Variants in ACSM2B observed in about 807,000 individuals in gnomAD.
The protein encoded by ACSM2B is acyl-coenzyme A synthetase ACSM2B, mitochondrial.
In ACSM2B, 58 loss-of-function variants were observed where a neutral mutation model predicts 78.6. The ratio of observed to expected loss-of-function variants is 0.74; its 90% CI spans 0.60 to 0.92. The LOEUF (loss-of-function observed/expected upper bound fraction) is 0.92. ACSM2B is among the 40% of genes least tolerant of loss of function. The probability of loss-of-function intolerance (pLI) is 0.00; values close to 1 mark genes in which losing one functional copy is unlikely to be tolerated. For synonymous variants in ACSM2B, 257 were observed against 256.8 expected, an observed-to-expected ratio of 1.00 and a Z score of -0.01; for missense variants, 688 against 711.2, an observed-to-expected ratio of 0.97 and a Z score of 0.37.
chr16:20,545,750 T>G (rs1300441380), intron 9 of ACSM2B, among the ~76,000 whole-genome samples: 1 of 152,176 alleles, frequency 6.6e-6, no homozygotes, highest in Non-Finnish European at 1.5e-5. Context: ...GTTATCATAG[T>G]GAATGGCATG....
chr16:20,565,492 T>C (rs149058458), intron 1 of ACSM2B, among the ~76,000 whole-genome samples: 58 of 152,114 alleles, frequency 3.8e-4, no homozygotes, highest in African/African-American at 1.3e-3. Flanking sequence ...AGGGGGAAAA[T>C]ATGCATGACT....
chr16:20,546,234 ACTCT>A (rs1375496947), intron 9 of ACSM2B, among the ~76,000 whole-genome samples, 156 bp downstream of exon 9: 1 of 149,726 alleles, frequency 6.7e-6, no homozygotes, highest in African/African-American at 2.5e-5. Context: ...TCCTTCCCTC[ACTCT>A]CTCCTTCCCC....
At chr16:20,547,926 C>G (rs987354528) in intron 8 of ACSM2B, 136 bp downstream of exon 8, 58 of 1,524,628 alleles carry the variant, frequency 3.8e-5, no homozygotes, top group Non-Finnish European at 5.1e-5. Context: ...TACTCAGTAC[C>G]TGTCCCTTCA....
intron 13 of ACSM2B, among the ~76,000 whole-genome samples, 158 bp downstream of exon 13, chr16:20,540,496 G>A (rs562644393): frequency 3.3e-5 from 5 of 152,292 alleles, no homozygotes; most frequent in African/African-American, 1.2e-4. Context: ...ACCCGCCTTG[G>A]CCTTCCAAAG....
At chr16:20,564,977 T>C (rs1042774204) in intron 1 of ACSM2B, 124 bp from the exon 2 acceptor site, 31 of 1,353,192 alleles carry the variant, frequency 2.3e-5, no homozygotes, top group Non-Finnish European at 3.0e-5. Context: ...TTTGCTGTAG[T>C]TATGAGTAAA....
intron 1 of ACSM2B, among the ~76,000 whole-genome samples, chr16:20,569,631 G>C (rs2016040202): frequency 6.6e-6 from 1 of 151,574 alleles, no homozygotes; most frequent in Admixed American, 6.6e-5. Flanking sequence ...TATTTTGATG[G>C]GAATTGCACT....
chr16:20,564,936 C>T (rs1391097442), intron 1 of ACSM2B, 83 bp from the exon 2 acceptor site: 1 of 1,508,994 alleles, frequency 6.6e-7, no homozygotes, highest in East Asian at 2.3e-5. Context: ...GAGATTCATC[C>T]CAACCTTATA....
Position 20,537,306 on chromosome 16 carries a change from T to C in ACSM2B, c.1686A>G (p.Lys562=), listed in dbSNP as rs771643033. The C allele has an allele frequency of 8.1e-6, 13 of 1,613,936 alleles. No individual in the cohort carries two copies. The highest frequency in any genetic ancestry group is 4.4e-5 in the South Asian group (4 of 91,070). ...ACATCTTCCACTCCTTGTCTCGAAG[T>C]TTGGTTCGTTGAATTTTCCCTGTGA... is the stretch of plus-strand genomic sequence containing the variant. ...KTVTGKIQRT[K]LRDKEWKMSG... is the part of the protein sequence containing the mutation. Residue 562 remains lysine (K), a synonymous_variant, in exon 14 of 14, where the codon AAA becomes AAG. Transcript: ENST00000329697.
chr16:20,576,075 C>T (rs1858237653), intron 1 of ACSM2B, 132 bp downstream of exon 1: 1 of 148,270 alleles, frequency 6.7e-6, no homozygotes, highest in Non-Finnish European at 1.5e-5. Context: ...CAGGTACTGT[C>T]TTTCATGGTC....
chr16:20,559,980 T>C (rs984666968), intron 2 of ACSM2B, among the ~76,000 whole-genome samples: 4 of 151,080 alleles, frequency 2.6e-5, no homozygotes, highest in African/African-American at 9.9e-5. Flanking sequence ...TATTTATCTC[T>C]ATCTACTTAC....
intron 2 of ACSM2B, among the ~76,000 whole-genome samples, chr16:20,560,670 T>C (rs1278725534): frequency 6.6e-6 from 1 of 152,036 alleles, no homozygotes; most frequent in Non-Finnish European, 1.5e-5. Flanking sequence ...AAGTGGGATA[T>C]TGCTATAAAG....
rs191797489 is a variant in ACSM2B, at chr16:20,555,955, T to A, written c.389-479A>T. On this transcript the variant is annotated intron_variant, in intron 3 of 13. Transcript: ENST00000329697. ...TTTCTTAGATGAGAGTGCCTTCAGTTTTACATATCTATGTACACACAAAGT... is the reference window on the plus strand; with the variant it reads ...TTTCTTAGATGAGAGTGCCTTCAGTATTACATATCTATGTACACACAAAGT... Among the ~76,000 whole-genome samples, 501 of 152,232 alleles carry A rather than the reference T, an allele frequency of 3.3e-3. 3 individuals are homozygous for A. Among genetic ancestry groups the A allele is most frequent in the African/African-American group, 0.012 (484 of 41,500 alleles).
chr16:20,571,063 T>G (rs565618577), intron 1 of ACSM2B, among the ~76,000 whole-genome samples: 4 of 152,000 alleles, frequency 2.6e-5, no homozygotes, highest in Admixed American at 2.0e-4. Flanking sequence ...TTATCTCAAT[T>G]TCATTTAGTT....
chr16:20,563,250 G>A (rs1055984641), intron 2 of ACSM2B, among the ~76,000 whole-genome samples: 15 of 152,032 alleles, frequency 9.9e-5, no homozygotes, highest in African/African-American at 3.1e-4. Flanking sequence ...TATGAGGGAG[G>A]GTGAGAATTT....
At chr16:20,567,780 T>C (rs937663145) in intron 1 of ACSM2B, among the ~76,000 whole-genome samples, 1 of 140,428 alleles carries the variant, frequency 7.1e-6, no homozygotes, top group East Asian at 2.0e-4. Context: ...ATATATATAA[T>C]ATATAATATA....
In ACSM2B at chr16:20,537,267, A is replaced by G. The variant is rs760387449; in HGVS notation, c.1725T>C (p.Arg575=). Reference sequence around the variant, plus strand: ...ATGTCTCCTAGACGCCTCACTGCGCACGGGCTTTTCCGGACATCTTCCACT... The same window carrying G: ...ATGTCTCCTAGACGCCTCACTGCGCGCGGGCTTTTCCGGACATCTTCCACT... ...DKEWKMSGKA[R]AQ Residue 575 remains arginine, a synonymous_variant, in exon 14 of 14, where the codon CGT becomes CGC. Coordinates refer to ENST00000329697, the MANE Select transcript of ACSM2B (RefSeq NM_001105069.2). 3.7e-6 allele frequency: 6 copies of G among 1,614,058 alleles called. No homozygotes were observed. Among genetic ancestry groups the G allele is most frequent in the Non-Finnish European group, 4.2e-6 (5 of 1,179,910 alleles).
Position 20,555,271 on chromosome 16 carries a change from T to C in ACSM2B, c.594A>G (p.Leu198=), listed in dbSNP as rs766763821. ...GGATGAGACATGTAGATACTCACTT[T>C]AGTAGTTTCTTGAAGTTCAGCCACC... ...CDGWLNFKKL[L]NEASTTHHCV... is the part of the protein sequence containing the mutation. Residue 198 remains leucine (L), a splice_region_variant and synonymous_variant, in exon 4 of 14, where the codon CTA becomes CTG. Coordinates refer to ENST00000329697, the MANE Select transcript of ACSM2B (RefSeq NM_001105069.2). 2.5e-6 allele frequency: 4 copies of C among 1,613,960 alleles called. No homozygotes were observed. Among genetic ancestry groups the C allele is most frequent in the Non-Finnish European group, 3.4e-6 (4 of 1,179,856 alleles).
rs2015080676 is a variant in ACSM2B, at chr16:20,544,475, T to C, written c.1281+682A>G. On this transcript the variant is annotated intron_variant, in intron 10 of 13. Coordinates refer to ENST00000329697, the MANE Select transcript of ACSM2B (RefSeq NM_001105069.2). The stretch of plus-strand genomic sequence containing the variant: ...TTAAAGTTTAAAAATTAAATGTGTT[T>C]ATACAACAATGCTTGCCTCATGGTA... 8 of 706,642 alleles carry C rather than the reference T, an allele frequency of 1.1e-5. No homozygotes were observed. The South Asian group carries it at 5.1e-4, about 45-fold the overall frequency. The allele number at this position is 706,642 out of a possible 1,614,324, so 43.8% of individuals were successfully genotyped here.
chr16:20,562,225 T>C (rs1213666708), intron 2 of ACSM2B, among the ~76,000 whole-genome samples: 2 of 152,132 alleles, frequency 1.3e-5, no homozygotes, highest in Non-Finnish European at 2.9e-5. Context: ...TGTAACATTT[T>C]ACATACCCAT....
Sources: allele counts gnomAD v4.1 joint callset (sites outside exome capture counted in the v4.1 genomes callset), GRCh38; gene constraint gnomAD v4.1.1; transcripts MANE v1.5; gene names NCBI Gene and HGNC (gene_info 2026-07-23, HGNC 2026-07-21).